Variants in LAMP3 observed in about 807,000 individuals in gnomAD.
LAMP3 encodes lysosome-associated membrane glycoprotein 3.
In LAMP3, 26 loss-of-function variants were observed where a neutral mutation model predicts 34.8. The observed-to-expected ratio is 0.75, with a 90% CI of 0.55 to 1.04. The LOEUF (loss-of-function observed/expected upper bound fraction) is 1.04. Among genes scored for constraint, LAMP3 ranks in the 50% least tolerant of loss-of-function variants. The probability of loss-of-function intolerance (pLI) is 0.00; values close to 1 mark genes in which losing one functional copy is unlikely to be tolerated. For synonymous variants in LAMP3, 180 were observed against 201.9 expected, an observed-to-expected ratio of 0.89 and a Z score of 0.92; for missense variants, 495 against 524.0, an observed-to-expected ratio of 0.94 and a Z score of 0.54.
At chr3:183,161,232 G>A (rs753590812) in intron 1 of LAMP3, among the ~76,000 whole-genome samples, 1 of 152,008 alleles carries the variant, frequency 6.6e-6, no homozygotes, top group Non-Finnish European at 1.5e-5. Flanking sequence ...ATCCAGTTCC[G>A]TGCCACCCCT....
chr3:183,146,950 T>C (rs1270181473), intron 3 of LAMP3, among the ~76,000 whole-genome samples: 2 of 151,900 alleles, frequency 1.3e-5, no homozygotes, highest in East Asian at 3.9e-4. Context: ...TACCACCTGA[T>C]TGAGGGGACA....
chr3:183,159,258 G>T (rs1242965212), intron 1 of LAMP3, among the ~76,000 whole-genome samples: 1 of 152,228 alleles, frequency 6.6e-6, no homozygotes, highest in African/African-American at 2.4e-5. Context: ...TCCAACACAA[G>T]GATAAATTCT....
chr3:183,148,030 A>T (rs1349254565), intron 3 of LAMP3, among the ~76,000 whole-genome samples: 1 of 152,128 alleles, frequency 6.6e-6, no homozygotes, highest in Non-Finnish European at 1.5e-5. Context: ...TCTTTTTTAA[A>T]ATGCAGAAAT....
rs755580098 is a variant in LAMP3, at chr3:183,153,735, G to C, written c.706C>G (p.Leu236Val). Reference protein sequence around the residue: ...GIYQVLNGSRLCIKAEMGIQL... With the variant: ...GIYQVLNGSRVCIKAEMGIQL... ...ATCCCCATCTCTGCTTTTATACAGA[G>C]TCTGCTTCCGTTTAGAACCTGATAA... Residue 236 changes from leucine to valine, a missense_variant, in exon 2 of 6, where the codon CTC (leucine) becomes GTC (valine). Coordinates refer to ENST00000265598, the MANE Select transcript of LAMP3 (RefSeq NM_014398.4). The C allele has an allele frequency of 1.2e-4, 186 of 1,538,904 alleles. 1 individual carries two copies. The East Asian group carries it at 4.1e-3, about 34-fold the overall frequency.
chr3:183,139,387 CAAAA>C (rs35474952), intron 4 of LAMP3, among the ~76,000 whole-genome samples: 3 of 81,216 alleles, frequency 3.7e-5, no homozygotes, highest in Admixed American at 1.2e-4. Context: ...GAGACTGTCT[CAAAA>C]AAAAAAAAAA....
chr3:183,139,126 A>G (rs1461197017), intron 4 of LAMP3, among the ~76,000 whole-genome samples: 1 of 152,114 alleles, frequency 6.6e-6, no homozygotes, highest in African/African-American at 2.4e-5. Flanking sequence ...GCAGTGGTTC[A>G]CACCTATAAT....
chr3:183,126,832 A>G (rs1719792436), intron 5 of LAMP3, among the ~76,000 whole-genome samples: 1 of 152,220 alleles, frequency 6.6e-6, no homozygotes, highest in Non-Finnish European at 1.5e-5. Flanking sequence ...TCATACAAGT[A>G]CTATTTTATT....
Position 183,157,022 on chromosome 3 carries a change from G to T in LAMP3, c.50-2631C>A, listed in dbSNP as rs117254844. Among the ~76,000 whole-genome samples, 39 of 152,184 alleles carry T rather than the reference G, an allele frequency of 2.6e-4. 1 individual carries two copies. In the East Asian group the frequency reaches 4.1e-3, roughly 16 times the overall value. The stretch of plus-strand genomic sequence containing the variant: ...CTCATAATGATGATCCTTGGTGAGG[G>T]TTTCAAAAGTTCATGTGCTGAAAAG... On this transcript the variant is annotated intron_variant, in intron 1 of 5. Coordinates refer to ENST00000265598, the MANE Select transcript of LAMP3 (RefSeq NM_014398.4).
intron 1 of LAMP3, among the ~76,000 whole-genome samples, 185 bp downstream of exon 1, chr3:183,162,422 T>A (rs1721004814): frequency 6.6e-6 from 1 of 152,144 alleles, no homozygotes; most frequent in Admixed American, 6.6e-5. Flanking sequence ...ACAGTGTCAC[T>A]GTCTTTGGGG....
intron 3 of LAMP3, among the ~76,000 whole-genome samples, chr3:183,151,104 G>A (rs1428438563): frequency 6.6e-6 from 1 of 152,206 alleles, no homozygotes; most frequent in Non-Finnish European, 1.5e-5. Context: ...GTGCTAGACA[G>A]TTTACATACC....
chr3:183,148,742 G>A lies in LAMP3; in HGVS notation c.888+3633C>T, dbSNP rs564646201. ...GAAAAGGGAACCCTCATACACTGCT[G>A]GTGAGAATGTAAATTAGTAGAACCA... On this transcript the variant is annotated intron_variant, in intron 3 of 5. Transcript: ENST00000265598. Among the ~76,000 whole-genome samples, 14 of 152,298 alleles carry A rather than the reference G, an allele frequency of 9.2e-5. No homozygotes were observed. In the South Asian group the frequency reaches 2.9e-3, roughly 32 times the overall value.
At chr3:183,159,463 C>T (rs960274022) in intron 1 of LAMP3, among the ~76,000 whole-genome samples, 5 of 152,180 alleles carry the variant, frequency 3.3e-5, no homozygotes, top group African/African-American at 7.2e-5. Context: ...GGAGACTACA[C>T]ACTGTCTGCA....
intron 2 of LAMP3, 144 bp from the exon 3 acceptor site, chr3:183,152,647 C>T (rs941956536): frequency 4.5e-6 from 3 of 666,226 alleles, no homozygotes; most frequent in African/African-American, 3.7e-5. Flanking sequence ...CAACACCTCT[C>T]GTTTTCAAAC....
intron 5 of LAMP3, among the ~76,000 whole-genome samples, chr3:183,134,381 A>G (rs1056927619): frequency 1.1e-4 from 16 of 152,166 alleles, no homozygotes; most frequent in Admixed American, 1.0e-3. Flanking sequence ...ACTGGCGTGC[A>G]CTGCTGAAAC....
chr3:183,146,729 T>C (rs1323632183), intron 3 of LAMP3, among the ~76,000 whole-genome samples: 1 of 151,934 alleles, frequency 6.6e-6, no homozygotes, highest in African/African-American at 2.4e-5. Context: ...GGTCTTGCCA[T>C]GTTGGCCAGG....
In LAMP3 at chr3:183,132,281, T is replaced by A. The variant is rs752436974; in HGVS notation, c.1117+3436A>T. On this transcript the variant is annotated intron_variant, in intron 5 of 5. Transcript: ENST00000265598. Reference sequence around the variant, plus strand: ...TAATACATTACAATAGAGTAGGATATGTTTTTTTAAAATAATAGCATATTA... The same window carrying A: ...TAATACATTACAATAGAGTAGGATAAGTTTTTTTAAAATAATAGCATATTA... 6.4e-6 allele frequency: 6 copies of A among 936,268 alleles called. No homozygotes were observed. The South Asian group carries it at 2.0e-4, about 31-fold the overall frequency. The allele number at this position is 936,268 out of a possible 1,614,324, so 58.0% of individuals were successfully genotyped here.
At chr3:183,153,511 T>G (rs6414500) in intron 2 of LAMP3, among the ~76,000 whole-genome samples, 171 bp downstream of exon 2, 134,482 of 152,170 alleles carry the variant, frequency 0.88, 59,491 homozygotes, top group Middle Eastern at 0.92. Context: ...TCTATTTTCA[T>G]GTATATCCTA....
intron 4 of LAMP3, among the ~76,000 whole-genome samples, chr3:183,137,273 C>T (rs1329494006): frequency 6.6e-6 from 1 of 151,886 alleles, no homozygotes; most frequent in Non-Finnish European, 1.5e-5. Flanking sequence ...AAGGTGAGAT[C>T]GTGCCACTGC....
chr3:183,149,563 AAAAAAAAAAAAATATATATATATATAT>A (rs1381320719), intron 3 of LAMP3, among the ~76,000 whole-genome samples: 21 of 52,326 alleles, frequency 4.0e-4, no homozygotes, highest in South Asian at 2.7e-3. Flanking sequence ...AAAAAAAAAA[AAAAAAAAAAAAATATATATATATATAT>A]ATATATATAT....
Sources: gnomAD v4.1 joint callset for allele counts (sites outside exome capture counted in the v4.1 genomes callset) on GRCh38, gnomAD v4.1.1 for gene constraint, MANE v1.5 for transcripts, NCBI Gene and HGNC (gene_info 2026-07-23, HGNC 2026-07-21) for gene names.